The following IFT74 variants were observed in gnomAD, a reference collection of about 807,000 sequenced individuals.
IFT74 encodes intraflagellar transport 74, also known as intraflagellar transport protein 74 homolog.
IFT74 carries 92 observed loss-of-function variants against 96.7 expected under a neutral mutation model. The ratio of observed to expected loss-of-function variants is 0.95; its 90% confidence interval spans 0.80 to 1.13. IFT74 has a LOEUF of 1.13. IFT74 is among the 50% of genes most tolerant of loss of function. IFT74 has a pLI of 0.00. For missense variants in IFT74, 811 were observed against 698.2 expected, an observed-to-expected ratio of 1.16 and a Z score of -1.82; for synonymous variants, 223 against 213.2, an observed-to-expected ratio of 1.05 and a Z score of -0.40.
At chr9:27,017,658 T>C (rs1464473385) in intron 11 of IFT74, among the ~76,000 whole-genome samples, 1 of 152,206 alleles carries the variant, frequency 6.6e-6, no homozygotes, top group East Asian at 1.9e-4. Context: ...GCCTTGTATT[T>C]AGAAAATGGA....
intron 13 of IFT74, among the ~76,000 whole-genome samples, chr9:27,041,516 C>T (rs1266029665): frequency 6.6e-6 from 1 of 152,042 alleles, no homozygotes; most frequent in African/African-American, 2.4e-5. Flanking sequence ...ATCAAATGCT[C>T]CGAATTAAAG....
At chr9:27,013,525 A>G (rs1418027844) in intron 10 of IFT74, among the ~76,000 whole-genome samples, 1 of 152,204 alleles carries the variant, frequency 6.6e-6, no homozygotes, top group Non-Finnish European at 1.5e-5. Flanking sequence ...TCTAGATGTA[A>G]TGTATGTGAA....
intron 8 of IFT74, among the ~76,000 whole-genome samples, chr9:27,008,580 G>A (rs1828898060): frequency 6.6e-6 from 1 of 151,852 alleles, no homozygotes; most frequent in Admixed American, 6.6e-5. Context: ...GGCTGGTCTC[G>A]ACCTCCAGAC....
rs889964676 is a variant in IFT74 at position 27,061,168 on chromosome 9, TGC to T, written c.1684+520_1684+521del. Among the ~76,000 whole-genome samples the T allele has an allele frequency of 3.9e-3, 566 of 145,594 alleles. 5 individuals carry two copies. Among genetic ancestry groups the T allele is most frequent in the African/African-American group, 0.014 (540 of 39,244 alleles). ...AGGTGTGTGTGTGTGTGTGTGTGTG[TGC>T]GCACGCACGTGCCCTCAAGTAACTA... is the stretch of plus-strand genomic sequence containing the variant. On this transcript the variant is annotated intron_variant, in intron 19 of 19. Transcript: ENST00000380062.
chr9:26,951,392 T>G (rs930461710), intron 1 of IFT74, among the ~76,000 whole-genome samples: 21 of 152,214 alleles, frequency 1.4e-4, no homozygotes, highest in African/African-American at 5.1e-4. Context: ...TTTAGCATTT[T>G]TTTTTTAACT....
intron 4 of IFT74, among the ~76,000 whole-genome samples, chr9:26,982,784 G>A (rs1408091681): frequency 6.6e-6 from 1 of 151,856 alleles, no homozygotes; most frequent in Non-Finnish European, 1.5e-5. Context: ...AGAGATGGGG[G>A]TTTCACCATT....
intron 4 of IFT74, among the ~76,000 whole-genome samples, chr9:26,982,775 G>C (rs1483222823): frequency 6.6e-6 from 1 of 151,794 alleles, no homozygotes; most frequent in African/African-American, 2.4e-5. Flanking sequence ...ATTTTTAGTA[G>C]AGATGGGGGT....
chr9:26,995,616 C>A, intron 8 of IFT74: 1 of 1,611,288 alleles, frequency 6.2e-7, no homozygotes, highest in Non-Finnish European at 8.5e-7. Context: ...TCAAATATTA[C>A]TGTAGTTTCT....
At chr9:27,039,387 G>A (rs754182322) in intron 13 of IFT74, among the ~76,000 whole-genome samples, 1 of 152,052 alleles carries the variant, frequency 6.6e-6, no homozygotes, top group Non-Finnish European at 1.5e-5. Flanking sequence ...TTAAATGAAA[G>A]TCATCTGCAA....
At chr9:26,999,601 T>C in intron 8 of IFT74, 1 of 1,534,634 alleles carries the variant, frequency 6.5e-7, no homozygotes. Flanking sequence ...CTATTTTGAT[T>C]GTAAAAACTT....
At chr9:27,056,190 A>G in intron 17 of IFT74, 144 bp from the exon 18 acceptor site, 2 of 613,052 alleles carry the variant, frequency 3.3e-6, no homozygotes, top group Non-Finnish European at 2.8e-6. Context: ...AGTTCAAAGG[A>G]TATTTTTACA....
At chr9:27,016,098 A>C (rs1405119903) in intron 10 of IFT74, among the ~76,000 whole-genome samples, 4 of 152,216 alleles carry the variant, frequency 2.6e-5, no homozygotes, top group African/African-American at 9.6e-5. Context: ...CTTAAAAGAA[A>C]CACAAATTTT....
At chr9:26,968,539 C>T (rs1263918443) in intron 2 of IFT74, among the ~76,000 whole-genome samples, 1 of 152,168 alleles carries the variant, frequency 6.6e-6, no homozygotes, top group Non-Finnish European at 1.5e-5. Flanking sequence ...GGATTACAGG[C>T]GTGAGCCACC....
At chr9:26,952,662 A>G (rs1825971902), upstream of IFT74, among the ~76,000 whole-genome samples, 1 of 152,218 alleles carries the variant, frequency 6.6e-6, no homozygotes, top group Non-Finnish European at 1.5e-5. Flanking sequence ...TCAAACCCTA[A>G]CCACCCAGTT....
chr9:26,993,353 C>A (rs977297422), intron 8 of IFT74: 1 of 152,178 alleles, frequency 6.6e-6, no homozygotes, highest in African/African-American at 2.4e-5. Context: ...ATAATCATCT[C>A]ATTCTTATAA....
intron 2 of IFT74, among the ~76,000 whole-genome samples, chr9:26,969,386 C>A (rs1434420954): frequency 2.0e-5 from 3 of 151,612 alleles, no homozygotes; most frequent in African/African-American, 7.3e-5. Context: ...ATAGCTACTC[C>A]TGCTTGCTTT....
At chr9:27,030,547 CAA>C (rs60150925) in intron 13 of IFT74, among the ~76,000 whole-genome samples, 16 of 115,446 alleles carry the variant, frequency 1.4e-4, no homozygotes, top group African/African-American at 4.0e-4. Flanking sequence ...GACTCCGTCT[CAA>C]AAAAAAAAAA....
intron 10 of IFT74, among the ~76,000 whole-genome samples, chr9:27,012,281 G>C (rs779276836): frequency 3.9e-5 from 6 of 152,148 alleles, no homozygotes; most frequent in Non-Finnish European, 7.4e-5. Flanking sequence ...AGAGTGCGGT[G>C]ACATGATCGT....
intron 2 of IFT74, among the ~76,000 whole-genome samples, chr9:26,972,545 G>T (rs747556559): frequency 1.3e-5 from 2 of 152,180 alleles, no homozygotes; most frequent in East Asian, 3.9e-4. Context: ...AACAGGGGCA[G>T]TTATGAACAT....
Sources: allele counts gnomAD v4.1 joint callset (sites outside exome capture counted in the v4.1 genomes callset), GRCh38; gene constraint gnomAD v4.1.1; transcripts MANE v1.5; gene names NCBI Gene and HGNC (gene_info 2026-07-23, HGNC 2026-07-21).